The following SYNE1 variants were observed in gnomAD, a reference collection of about 807,000 sequenced individuals.
SYNE1 encodes nesprin-1.
Under a neutral mutation model 1,111.0 loss-of-function variants are expected in SYNE1, and 616 were observed. The ratio of observed to expected loss-of-function variants is 0.55; its 90% CI spans 0.52 to 0.59. The LOEUF (loss-of-function observed/expected upper bound fraction) is 0.59. Ranked by LOEUF, SYNE1 falls within the 20% of genes least tolerant of loss-of-function variation. SYNE1 has a pLI of 0.00. For missense variants in SYNE1, 10,006 were observed against 10,417.0 expected (o/e 0.96, Z 1.72); for synonymous variants, 3,855 against 3,825.8 (o/e 1.01, Z -0.28).
intron 80 of SYNE1, 125 bp from the exon 81 acceptor site, chr6:152,325,427 A>G (rs1386713366): frequency 1.2e-6 from 1 of 866,190 alleles, no homozygotes; most frequent in Non-Finnish European, 1.9e-6. Flanking sequence ...ACATACGTTT[A>G]TTCTCCTCTA....
chr6:152,517,367 A>G (rs2099117303), intron 6 of SYNE1, among the ~76,000 whole-genome samples: 1 of 152,232 alleles, frequency 6.6e-6, no homozygotes, highest in Non-Finnish European at 1.5e-5. Context: ...ATTCCCACAA[A>G]TTAGAAAAGG....
In SYNE1 at chr6:152,472,328, G is replaced by A. The variant is rs2098811105; in HGVS notation, c.1436C>T (p.Pro479Leu). 1.2e-6 allele frequency: 2 copies of A among 1,613,782 alleles called. No homozygotes were observed. Among genetic ancestry groups the A allele is most frequent in the South Asian group, 1.1e-5 (1 of 91,070 alleles). Reference protein sequence around the residue: ...TRSVNGIPVPPDQLEDMAERF... With the variant: ...TRSVNGIPVPLDQLEDMAERF... ...CTCGGCCATGTCCTCTAATTGATCA[G>A]GTGGCACTGGAATCCCGTTAACAGA... The change falls in exon 15 of 146, where the codon CCT (proline) becomes CTT (leucine). Residue 479 changes from proline to leucine, a missense_variant. Coordinates refer to ENST00000367255, the MANE Select transcript of SYNE1 (RefSeq NM_182961.4).
intron 30 of SYNE1, 131 bp from the exon 31 acceptor site, chr6:152,442,376 G>T: frequency 2.0e-6 from 2 of 1,008,558 alleles, no homozygotes; most frequent in Non-Finnish European, 3.0e-6. Flanking sequence ...AAGATTAACA[G>T]TTGAAATGGT....
chr6:152,123,922 T>TG (rs943314441), intron 145 of SYNE1, among the ~76,000 whole-genome samples: 14 of 152,116 alleles, frequency 9.2e-5, no homozygotes, highest in Non-Finnish European at 1.9e-4. Context: ...CTAATATCGG[T>TG]GGGGGATGCG....
chr6:152,387,097 A>G lies in SYNE1; in HGVS notation c.8462T>C (p.Phe2821Ser), dbSNP rs202207690. ...CTTGGCAACAGTCATTATATCATTA[A>G]ACTGTGTTTTCAGCTCCTCTTGAGC... ...DTAQEELKTQ[F>S]NDIMTVAKEK... The change falls in exon 54 of 146, where the codon TTT becomes TCT. Residue 2821 changes from phenylalanine to serine, a missense_variant. Physicochemically the swap from Phe to Ser is radical, Grantham distance 155 (BLOSUM62 -2). Transcript: ENST00000367255. The G allele has an allele frequency of 1.1e-5, 18 of 1,613,904 alleles. No homozygotes were observed. The highest frequency in any genetic ancestry group is 1.7e-4 in the Middle Eastern group (1 of 6,034).
At chr6:152,628,139 T>C (rs1456705104) in intron 3 of SYNE1, 126 bp downstream of exon 3, 2 of 988,916 alleles carry the variant, frequency 2.0e-6, no homozygotes. Flanking sequence ...AACACTGGAA[T>C]AAAGACATCC....
intron 95 of SYNE1, among the ~76,000 whole-genome samples, chr6:152,287,611 A>G (rs2094401863): frequency 1.3e-5 from 2 of 152,182 alleles, no homozygotes; most frequent in African/African-American, 4.8e-5. Context: ...CAGTGGCAAG[A>G]TCTTGGCTCA....
chr6:152,236,862 C>T lies in SYNE1; in HGVS notation c.20154G>A (p.Val6718=). The change falls in exon 109 of 146, where the codon GTG becomes GTA. Residue 6718 remains valine, a synonymous_variant. Coordinates refer to ENST00000367255, the MANE Select transcript of SYNE1 (RefSeq NM_182961.4). ...CAATAAGCCTGTCCTCGTTCTCCTC[C>T]ACCAGACCCACGCTTGGGATGCTGC... The part of the protein sequence containing the change: ...VESSIPSVGL[V]EENEDRLIDR... 6.2e-7 allele frequency: 1 copy of T among 1,614,200 alleles called. No homozygotes were observed.
chr6:152,446,680 T>C (rs182560048), intron 29 of SYNE1, among the ~76,000 whole-genome samples: 2 of 152,334 alleles, frequency 1.3e-5, no homozygotes, highest in Admixed American at 1.3e-4. Flanking sequence ...ATATCTATTC[T>C]ACTTTACGTT....
chr6:152,311,775 A>AT lies in SYNE1; in HGVS notation c.16711-903dup, dbSNP rs762825816. ...GGATATTATTCTTAGGCAATAGACT[A>AT]TTTATTTATTTCTTTTTTGAGACGG... On this transcript the variant is annotated intron_variant, in intron 87 of 145. Coordinates refer to ENST00000367255, the MANE Select transcript of SYNE1 (RefSeq NM_182961.4). Among the ~76,000 whole-genome samples, 702 of 139,340 alleles carry AT rather than the reference A, an allele frequency of 5.0e-3. 13 individuals are homozygous for AT. The highest frequency in any genetic ancestry group is 0.014 in the African/African-American group (515 of 36,332). 91.4% of individuals were successfully genotyped at this position (139,340 alleles called of 152,430 possible).
At chr6:152,411,532 A>C (rs2098041546) in intron 42 of SYNE1, among the ~76,000 whole-genome samples, 1 of 152,196 alleles carries the variant, frequency 6.6e-6, no homozygotes, top group South Asian at 2.1e-4. Flanking sequence ...CAATAACAAA[A>C]AAAATCACCC....
At chr6:152,128,916 A>G (rs1216694085) in intron 145 of SYNE1, 1 of 152,196 alleles carries the variant, frequency 6.6e-6, no homozygotes, top group Non-Finnish European at 1.5e-5. Context: ...AGAATGTTCA[A>G]CCACAACCTG....
intron 74 of SYNE1, among the ~76,000 whole-genome samples, 186 bp downstream of exon 74, chr6:152,343,895 G>A (rs1466894375): frequency 6.6e-6 from 1 of 152,110 alleles, no homozygotes; most frequent in Non-Finnish European, 1.5e-5. Flanking sequence ...TACCAAGTTG[G>A]CCCCTCAGTA....
At chr6:152,621,666 G>A (rs1346312267) in intron 3 of SYNE1, among the ~76,000 whole-genome samples, 1 of 151,948 alleles carries the variant, frequency 6.6e-6, no homozygotes, top group African/African-American at 2.4e-5. Context: ...AAGGCCTGAA[G>A]CACTTTCTCC....
At chr6:152,202,002 G>T in intron 126 of SYNE1, 53 bp from the exon 127 acceptor site, 4 of 1,600,470 alleles carry the variant, frequency 2.5e-6, no homozygotes, top group Non-Finnish European at 3.4e-6. Context: ...TAGGAAACTG[G>T]GGGGGGAAAA....
rs1269780686 is a variant in SYNE1, at chr6:152,385,761, C to A, written c.8565G>T (p.Trp2855Cys). ...YLDAVHEFTD[W>C]LHSAKEELHR... Reference sequence around the variant, plus strand: ...GAAGTTCTTCCTTTGCTGAATGGAGCCAATCTGTGAACTCGTGGACCGCAT... The same window carrying A: ...GAAGTTCTTCCTTTGCTGAATGGAGACAATCTGTGAACTCGTGGACCGCAT... Residue 2855 changes from tryptophan to cysteine, a missense_variant, in exon 55 of 146, where the codon TGG becomes TGT. Trp to Cys is a radical substitution (Grantham distance 215). Coordinates refer to ENST00000367255, the MANE Select transcript of SYNE1 (RefSeq NM_182961.4). 6.2e-7 allele frequency: 1 copy of A among 1,614,058 alleles called. No homozygotes were observed. Among genetic ancestry groups the A allele is most frequent in the African/African-American group, 1.3e-5 (1 of 75,018 alleles).
chr6:152,545,588 ATAAAT>A, intron 3 of SYNE1, among the ~76,000 whole-genome samples: 2 of 152,222 alleles, frequency 1.3e-5, no homozygotes. Flanking sequence ...TCAAAAATAC[ATAAAT>A]TAATTAATAC....
chr6:152,597,347 G>A (rs1384962895), intron 3 of SYNE1, among the ~76,000 whole-genome samples: 1 of 152,126 alleles, frequency 6.6e-6, no homozygotes, highest in African/African-American at 2.4e-5. Context: ...ACATGATCAG[G>A]GCTCACTGCA....
At chr6:152,314,568 C>T (rs1428358919) in intron 87 of SYNE1, among the ~76,000 whole-genome samples, 1 of 152,070 alleles carries the variant, frequency 6.6e-6, no homozygotes, top group Admixed American at 6.5e-5. Flanking sequence ...TTCTATCTGT[C>T]CCCTCCCCTA....
Sources: allele counts gnomAD v4.1 joint callset (sites outside exome capture counted in the v4.1 genomes callset), GRCh38; gene constraint gnomAD v4.1.1; transcripts MANE v1.5; gene names NCBI Gene and HGNC (gene_info 2026-07-23, HGNC 2026-07-21).